PPP3CA: variants seen among roughly 807,000 people sequenced by gnomAD.
PPP3CA encodes the protein CAM-PRP catalytic subunit.
Under a neutral mutation model 66.5 loss-of-function variants are expected in PPP3CA, and 14 were observed. The ratio of observed to expected loss-of-function variants is 0.21; its 90% CI spans 0.14 to 0.33. The LOEUF (loss-of-function observed/expected upper bound fraction) is 0.33, where lower values mean the gene tolerates loss of function less well. PPP3CA is among the 10% of genes least tolerant of loss of function. The probability of loss-of-function intolerance (pLI) is 1.00; values close to 1 mark genes in which losing one functional copy is unlikely to be tolerated. For missense variants in PPP3CA, 317 were observed against 639.5 expected, an observed-to-expected ratio of 0.50 and a Z score of 5.44; for synonymous variants, 232 against 226.2, an observed-to-expected ratio of 1.03 and a Z score of -0.23.
chr4:101,278,149 T>TAAAAAAAAAAAA (rs1200528599), intron 1 of PPP3CA, among the ~76,000 whole-genome samples: 7 of 119,494 alleles, frequency 5.9e-5, no homozygotes, highest in African/African-American at 2.7e-4. Flanking sequence ...ATAAAAAAAT[T>TAAAAAAAAAAAA]AAAAAGTTAT....
intron 1 of PPP3CA, among the ~76,000 whole-genome samples, chr4:101,279,979 G>T (rs1271966777): frequency 1.3e-5 from 2 of 152,160 alleles, no homozygotes; most frequent in Non-Finnish European, 2.9e-5. Context: ...TCAGTTCCTG[G>T]AACTGAAATC....
chr4:101,140,890 C>A (rs1335036389), intron 2 of PPP3CA, among the ~76,000 whole-genome samples: 1 of 151,934 alleles, frequency 6.6e-6, no homozygotes, highest in African/African-American at 2.4e-5. Context: ...AGTATTCTAC[C>A]CACATAAAGT....
chr4:101,345,038 T>C (rs1404445380), intron 1 of PPP3CA, among the ~76,000 whole-genome samples: 1 of 152,212 alleles, frequency 6.6e-6, no homozygotes, highest in East Asian at 1.9e-4. Context: ...TAAATGTGAA[T>C]GGACTGTTTC....
chr4:101,294,976 A>G (rs1420231078), intron 1 of PPP3CA, among the ~76,000 whole-genome samples: 6 of 152,202 alleles, frequency 3.9e-5, no homozygotes, highest in Non-Finnish European at 8.8e-5. Context: ...ATTACTTAAG[A>G]AAAAGGGCTA....
chr4:101,139,501 T>A (rs142295126), intron 2 of PPP3CA, among the ~76,000 whole-genome samples: 31 of 152,288 alleles, frequency 2.0e-4, no homozygotes, highest in African/African-American at 7.2e-4. Flanking sequence ...GTCCTCTAAG[T>A]ACCCAGATTA....
At position 101,229,079 on chromosome 4, in the gene PPP3CA, A is replaced by T. The variant is rs1254376980; in HGVS notation, c.59-32963T>A. 2.0e-5 allele frequency among the ~76,000 whole-genome samples: 3 copies of T among 151,706 alleles called. No homozygotes were observed. In the East Asian group the frequency reaches 5.8e-4, roughly 29 times the overall value. ...AATAACTGCAGTGTAAAATAAAATG[A>T]TCAGCAGTTTAATAAGTAAATTATA... is the stretch of plus-strand genomic sequence containing the variant. On this transcript the variant is annotated intron_variant, in intron 1 of 13. Coordinates refer to ENST00000394854, the MANE Select transcript of PPP3CA (RefSeq NM_000944.5).
intron 2 of PPP3CA, among the ~76,000 whole-genome samples, chr4:101,146,801 A>C (rs143874144): frequency 2.0e-5 from 3 of 152,304 alleles, no homozygotes; most frequent in African/African-American, 4.8e-5. Flanking sequence ...CATACAGTAC[A>C]GATTGAATAT....
chr4:101,165,644 C>T (rs545496705), intron 2 of PPP3CA, among the ~76,000 whole-genome samples: 3 of 152,114 alleles, frequency 2.0e-5, no homozygotes, highest in Non-Finnish European at 4.4e-5. Context: ...ATAATACTTA[C>T]ATGTGTACAT....
chr4:101,234,192 T>C (rs1726052816), intron 1 of PPP3CA, among the ~76,000 whole-genome samples: 1 of 151,890 alleles, frequency 6.6e-6, no homozygotes, highest in African/African-American at 2.4e-5. Context: ...TCAGTAGTGA[T>C]ACAATGAACA....
intron 6 of PPP3CA, 79 bp downstream of exon 6, chr4:101,093,693 TATAA>T: frequency 1.5e-6 from 2 of 1,318,792 alleles, no homozygotes; most frequent in Non-Finnish European, 2.0e-6. Context: ...ATACAAACAT[TATAA>T]ATAAATCAAA....
At chr4:101,106,603 C>A (rs1730767429) in intron 3 of PPP3CA, among the ~76,000 whole-genome samples, 1 of 152,106 alleles carries the variant, frequency 6.6e-6, no homozygotes, top group Non-Finnish European at 1.5e-5. Flanking sequence ...CTACCACAGT[C>A]TTCCTTAATC....
chr4:101,228,127 C>A (rs1020927928), intron 1 of PPP3CA, among the ~76,000 whole-genome samples: 3 of 151,656 alleles, frequency 2.0e-5, no homozygotes, highest in Non-Finnish European at 4.4e-5. Context: ...AATGCAAAAT[C>A]ATTTTTCTAA....
chr4:101,158,832 T>C (rs751420354), intron 2 of PPP3CA, among the ~76,000 whole-genome samples: 10 of 152,248 alleles, frequency 6.6e-5, no homozygotes, highest in Non-Finnish European at 1.0e-4. Flanking sequence ...AGTTAAAGCA[T>C]TTTAATCAGC....
At chr4:101,107,239 C>T (rs1254482845) in intron 3 of PPP3CA, among the ~76,000 whole-genome samples, 1 of 152,204 alleles carries the variant, frequency 6.6e-6, no homozygotes, top group Non-Finnish European at 1.5e-5. Context: ...TCCAATCACA[C>T]TTACTATTTT....
intron 1 of PPP3CA, among the ~76,000 whole-genome samples, chr4:101,318,877 A>C (rs1295787616): frequency 6.6e-6 from 1 of 152,112 alleles, no homozygotes; most frequent in African/African-American, 2.4e-5. Flanking sequence ...TTAACTTTGC[A>C]CAAAAGGATC....
At position 101,292,899 on chromosome 4, in the gene PPP3CA, T is replaced by G. The variant is rs191347494; in HGVS notation, c.58+53840A>C. 1.2e-4 allele frequency among the ~76,000 whole-genome samples: 18 copies of G among 152,372 alleles called. No homozygotes were observed. In the East Asian group the frequency reaches 1.4e-3, roughly 11 times the overall value. ...ATTGTTTTTCCACATGACAATCTTA[T>G]GTACTATATCACATAATGTAAATTA... On this transcript the variant is annotated intron_variant, in intron 1 of 13. Coordinates refer to ENST00000394854, the MANE Select transcript of PPP3CA (RefSeq NM_000944.5).
chr4:101,172,876 A>G lies in PPP3CA; in HGVS notation c.259+23040T>C, dbSNP rs113090265. On this transcript the variant is annotated intron_variant, in intron 2 of 13. Coordinates refer to ENST00000394854, the MANE Select transcript of PPP3CA (RefSeq NM_000944.5). ...TAATGATCCTGTAAAAAAAGGCTTCAAAACTTGCAATGCTACTTTATTTTC... is the reference window on the plus strand; with the variant it reads ...TAATGATCCTGTAAAAAAAGGCTTCGAAACTTGCAATGCTACTTTATTTTC... Among the ~76,000 whole-genome samples the G allele has an allele frequency of 8.2e-3, 1,256 of 152,340 alleles. 17 individuals are homozygous for G. Among genetic ancestry groups the G allele is most frequent in the African/African-American group, 0.029 (1,207 of 41,584 alleles).
At chr4:101,226,404 T>G (rs1267331855) in intron 1 of PPP3CA, among the ~76,000 whole-genome samples, 1 of 151,786 alleles carries the variant, frequency 6.6e-6, no homozygotes, top group Non-Finnish European at 1.5e-5. Context: ...CCCAGGCTTC[T>G]GTGCAATACG....
chr4:101,306,662 CA>C (rs113501389), intron 1 of PPP3CA, among the ~76,000 whole-genome samples: 4 of 152,016 alleles, frequency 2.6e-5, no homozygotes, highest in African/African-American at 9.6e-5. Context: ...AGAAGCAAAC[CA>C]AAAAAATAAA....
Sources: gnomAD v4.1 joint callset for allele counts (sites outside exome capture counted in the v4.1 genomes callset) on GRCh38, gnomAD v4.1.1 for gene constraint, MANE v1.5 for transcripts, NCBI Gene and HGNC (gene_info 2026-07-23, HGNC 2026-07-21) for gene names.